PTPRG: variants seen among roughly 807,000 people sequenced by gnomAD.
The protein encoded by PTPRG is protein tyrosine phosphatase receptor type G.
In PTPRG, 102 loss-of-function variants were observed where a neutral mutation model predicts 165.3. The ratio of observed to expected loss-of-function variants is 0.62; its 90% CI spans 0.53 to 0.73. The LOEUF (loss-of-function observed/expected upper bound fraction) is 0.73, where lower values mean the gene tolerates loss of function less well. PTPRG is among the 30% of genes least tolerant of loss of function. PTPRG has a pLI of 0.00. For missense variants in PTPRG, 1,866 were observed against 1,861.4 expected (o/e 1.00, Z -0.05); for synonymous variants, 675 against 669.5 (o/e 1.01, Z -0.13).
intron 1 of PTPRG, among the ~76,000 whole-genome samples, chr3:61,621,190 T>C (rs1287612641): frequency 7.2e-5 from 11 of 151,990 alleles, no homozygotes; most frequent in Admixed American, 7.2e-4. Flanking sequence ...CTAAATATTG[T>C]TTCCCACATC....
chr3:62,189,827 AAGGCCAGAG>A (rs1699761705), intron 8 of PTPRG, among the ~76,000 whole-genome samples: 1 of 152,158 alleles, frequency 6.6e-6, no homozygotes, highest in South Asian at 2.1e-4. Flanking sequence ...TCGTGGGAGA[AAGGCCAGAG>A]TTCAAATCTG....
intron 4 of PTPRG, among the ~76,000 whole-genome samples, chr3:62,046,388 T>C (rs892318315): frequency 2.6e-5 from 4 of 152,218 alleles, no homozygotes; most frequent in African/African-American, 9.6e-5. Context: ...TCATTGACCT[T>C]TTCTTTCTTT....
At chr3:61,803,216 A>G (rs2035300257) in intron 2 of PTPRG, among the ~76,000 whole-genome samples, 2 of 152,242 alleles carry the variant, frequency 1.3e-5, no homozygotes, top group African/African-American at 4.8e-5. Context: ...TCATACTAAA[A>G]AAGTAAAAAG....
chr3:62,193,104 T>C (rs1191062000), intron 9 of PTPRG, among the ~76,000 whole-genome samples: 3 of 152,346 alleles, frequency 2.0e-5, no homozygotes, highest in Non-Finnish European at 2.9e-5. Context: ...TTTTAACCTT[T>C]CTCTTGTCAC....
chr3:61,899,323 G>A (rs988867875), intron 2 of PTPRG, among the ~76,000 whole-genome samples: 6 of 152,178 alleles, frequency 3.9e-5, no homozygotes, highest in Non-Finnish European at 7.3e-5. Context: ...ATGAAAAATA[G>A]GAGGTGGTTT....
intron 2 of PTPRG, among the ~76,000 whole-genome samples, chr3:61,832,768 T>C (rs538134454): frequency 3.3e-5 from 5 of 152,338 alleles, no homozygotes; most frequent in African/African-American, 1.2e-4. Flanking sequence ...GTAAGTTCTT[T>C]AGTGGTGATT....
At chr3:62,011,691 A>G (rs1022980446) in intron 4 of PTPRG, among the ~76,000 whole-genome samples, 2 of 152,212 alleles carry the variant, frequency 1.3e-5, no homozygotes, top group African/African-American at 4.8e-5. Flanking sequence ...TAAGAGGAAC[A>G]TGTGAGGATG....
intron 1 of PTPRG, among the ~76,000 whole-genome samples, chr3:61,694,026 AG>A (rs1454640481): frequency 0.018 from 2,079 of 112,920 alleles, 49 homozygotes; most frequent in African/African-American, 0.069. Flanking sequence ...AAAAAAAAAA[AG>A]AGAGAGAGAG....
rs907086437 is a variant in PTPRG at position 62,217,908 on chromosome 3, A to G, written c.2156-943A>G. 6.6e-6 allele frequency: 1 copy of G among 152,286 alleles called. No homozygotes were observed. The highest frequency in any genetic ancestry group is 2.4e-5 in the African/African-American group (1 of 41,420). The allele number at this position is 152,286 out of a possible 1,614,324, so 9.4% of individuals were successfully genotyped here. ...GGCCGACCAGAGAGAATCCTAAACT[A>G]TTTGGCAAGCTTTCCCTGCTAACCT... On this transcript the variant is annotated intron_variant, in intron 12 of 29. Coordinates refer to ENST00000474889, the MANE Select transcript of PTPRG (RefSeq NM_002841.4). The surrounding 1 kb of genome is among the most constrained non-coding windows in gnomAD (Gnocchi z 4.3).
At chr3:61,679,765 G>C (rs1360646030) in intron 1 of PTPRG, among the ~76,000 whole-genome samples, 1 of 151,986 alleles carries the variant, frequency 6.6e-6, no homozygotes, top group Non-Finnish European at 1.5e-5. Flanking sequence ...TGGGCGACGA[G>C]CGAAACTCTG....
intron 4 of PTPRG, among the ~76,000 whole-genome samples, chr3:62,067,686 G>C (rs1701063789): frequency 6.6e-6 from 1 of 152,132 alleles, no homozygotes; most frequent in South Asian, 2.1e-4. Flanking sequence ...CGTGCAACCT[G>C]GATTCCTTGC....
chr3:62,171,704 A>T (rs1559600077), intron 8 of PTPRG, among the ~76,000 whole-genome samples: 1 of 149,710 alleles, frequency 6.7e-6, no homozygotes, highest in Non-Finnish European at 1.5e-5. Context: ...TAGTGTCCCT[A>T]TTTTTTTTTA....
Position 62,203,338 on chromosome 3 carries a change from C to T in PTPRG, c.1543C>T (p.Leu515=). Reference sequence around the variant, plus strand: ...AGTGGCCTCGGTGGTCACCAGCACGCTGCTCGCCGGCCTGGGGTTCGGCGG... The same window carrying T: ...AGTGGCCTCGGTGGTCACCAGCACGTTGCTCGCCGGCCTGGGGTTCGGCGG... ...ATVASVVTST[L]LAGLGFGGGG... Residue 515 remains leucine (L), a synonymous_variant, in exon 12 of 30, where the codon CTG becomes TTG. Coordinates refer to ENST00000474889, the MANE Select transcript of PTPRG (RefSeq NM_002841.4). This position sits in a 1 kb window ranked among gnomAD's most constrained non-coding sequence, Gnocchi z 6.4. The T allele has an allele frequency of 1.9e-6, 3 of 1,613,592 alleles. No individual in the cohort carries two copies. The highest frequency in any genetic ancestry group is 2.5e-6 in the Non-Finnish European group (3 of 1,179,888).
At chr3:62,049,243 T>A (rs1700395540) in intron 4 of PTPRG, among the ~76,000 whole-genome samples, 1 of 152,192 alleles carries the variant, frequency 6.6e-6, no homozygotes, top group Non-Finnish European at 1.5e-5. Context: ...AGCAGCATGT[T>A]CACTGTTTTA....
intron 1 of PTPRG, among the ~76,000 whole-genome samples, chr3:61,676,696 G>A (rs993449944): frequency 3.9e-5 from 6 of 152,000 alleles, no homozygotes; most frequent in Non-Finnish European, 5.9e-5. Context: ...AATGCATGGT[G>A]TGTATCTCTC....
chr3:61,575,740 C>T (rs1333479124), intron 1 of PTPRG, among the ~76,000 whole-genome samples: 1 of 151,676 alleles, frequency 6.6e-6, no homozygotes, highest in African/African-American at 2.4e-5. Flanking sequence ...GCTGGAATTA[C>T]AGGCGCATGC....
chr3:62,135,025 A>T (rs774676165), intron 6 of PTPRG, among the ~76,000 whole-genome samples: 1 of 152,064 alleles, frequency 6.6e-6, no homozygotes, highest in Non-Finnish European at 1.5e-5. Flanking sequence ...ATAATCCCAG[A>T]ACTTTGGGAG....
At chr3:61,721,192 C>A (rs535660878) in intron 1 of PTPRG, among the ~76,000 whole-genome samples, 1 of 152,182 alleles carries the variant, frequency 6.6e-6, no homozygotes, top group Non-Finnish European at 1.5e-5. Flanking sequence ...TCTGGTACTA[C>A]TTGAGAATTG....
At chr3:62,211,187 G>A (rs1452398544) in intron 12 of PTPRG, among the ~76,000 whole-genome samples, 1 of 152,190 alleles carries the variant, frequency 6.6e-6, no homozygotes, top group Non-Finnish European at 1.5e-5. Context: ...TAAAAGGAAC[G>A]AAATCCTCTC....
Sources: allele counts gnomAD v4.1 joint callset (sites outside exome capture counted in the v4.1 genomes callset), GRCh38; gene constraint gnomAD v4.1.1; non-coding constraint Gnocchi (gnomAD v3.1); transcripts MANE v1.5; gene names NCBI Gene and HGNC (gene_info 2026-07-23, HGNC 2026-07-21).